STK3: variants seen among roughly 807,000 people sequenced by gnomAD.
The protein encoded by STK3 is serine/threonine kinase 3.
STK3 carries 41 observed loss-of-function variants against 58.0 expected under a neutral mutation model. The observed-to-expected ratio is 0.71, with a 90% CI of 0.55 to 0.92. The LOEUF is 0.92. STK3 is among the 40% of genes least tolerant of loss of function. The probability of loss-of-function intolerance (pLI) is 0.00; values close to 1 mark genes in which losing one functional copy is unlikely to be tolerated. For synonymous variants in STK3, 170 were observed against 191.0 expected (o/e 0.89, Z 0.91); for missense variants, 479 against 602.7 (o/e 0.79, Z 2.15).
intron 6 of STK3, among the ~76,000 whole-genome samples, chr8:98,619,574 A>AG (rs1818075670): frequency 8.3e-6 from 1 of 120,304 alleles, no homozygotes; most frequent in South Asian, 3.4e-4. Context: ...CATCTGACAA[A>AG]GGGCTAATAT....
intron 3 of STK3, among the ~76,000 whole-genome samples, chr8:98,418,929 T>C (rs542361860): frequency 6.6e-6 from 1 of 152,282 alleles, no homozygotes; most frequent in East Asian, 1.9e-4. Context: ...TTTAGAGCAG[T>C]AGCTTCCAAG....
chr8:98,678,271 C>T (rs532515406), intron 6 of STK3, among the ~76,000 whole-genome samples: 2 of 152,138 alleles, frequency 1.3e-5, no homozygotes, highest in African/African-American at 2.4e-5. Context: ...GAGTTCTTAA[C>T]ATTCTATGTG....
At chr8:98,510,536 G>C (rs961238944) in intron 10 of STK3, among the ~76,000 whole-genome samples, 1 of 151,528 alleles carries the variant, frequency 6.6e-6, no homozygotes, top group Admixed American at 6.6e-5. Context: ...TTATGAACTA[G>C]TATCCTTTTC....
intron 6 of STK3, among the ~76,000 whole-genome samples, chr8:98,688,809 C>T (rs898646674): frequency 1.3e-5 from 2 of 152,086 alleles, no homozygotes; most frequent in African/African-American, 4.8e-5. Flanking sequence ...TAAATGCCTA[C>T]ATCAAGAAAA....
chr8:98,887,453 C>T (rs1838033818), intron 1 of STK3, among the ~76,000 whole-genome samples: 1 of 152,130 alleles, frequency 6.6e-6, no homozygotes, highest in African/African-American at 2.4e-5. Flanking sequence ...TAATACTCAA[C>T]CTGTATTTTT....
At chr8:98,738,339 A>G (rs1828803743) in intron 4 of STK3, among the ~76,000 whole-genome samples, 1 of 152,002 alleles carries the variant, frequency 6.6e-6, no homozygotes, top group African/African-American at 2.4e-5. Context: ...TGGGTGTGAT[A>G]GTGGGTGCTT....
intron 1 of STK3, among the ~76,000 whole-genome samples, chr8:98,818,662 G>T (rs1387739183): frequency 6.6e-6 from 1 of 151,702 alleles, no homozygotes. Flanking sequence ...AACTAATTCA[G>T]AACTCAAAAT....
At chr8:98,767,399 T>C (rs969912946) in intron 2 of STK3, 28 bp from the exon 3 acceptor site, 5 of 1,560,560 alleles carry the variant, frequency 3.2e-6, no homozygotes, top group Non-Finnish European at 3.4e-6. Flanking sequence ...ATTATTTTTT[T>C]CCTATCAAAC....
intron 6 of STK3, among the ~76,000 whole-genome samples, chr8:98,615,906 A>C (rs1217971231): frequency 7.0e-5 from 1 of 14,386 alleles, no homozygotes. Context: ...TATCCAGGAG[A>C]ACTTCCCCAA....
At chr8:98,927,000 A>T (rs953986241) in intron 1 of STK3, among the ~76,000 whole-genome samples, 5 of 152,176 alleles carry the variant, frequency 3.3e-5, no homozygotes, top group African/African-American at 1.2e-4. Flanking sequence ...GCCAGGCAAA[A>T]TGAAGTTTAT....
chr8:98,703,962 T>G (rs1825792614), intron 6 of STK3, among the ~76,000 whole-genome samples: 1 of 152,230 alleles, frequency 6.6e-6, no homozygotes, highest in Non-Finnish European at 1.5e-5. Flanking sequence ...ATTAAATTTC[T>G]ACACTTGAAT....
intron 4 of STK3, among the ~76,000 whole-genome samples, chr8:98,734,984 G>T (rs1486392962): frequency 6.6e-6 from 1 of 151,986 alleles, no homozygotes; most frequent in Non-Finnish European, 1.5e-5. Flanking sequence ...TAAAAATCAG[G>T]GAACTAATGA....
intron 1 of STK3, among the ~76,000 whole-genome samples, chr8:98,890,598 C>A (rs1349305377): frequency 1.3e-5 from 2 of 152,196 alleles, no homozygotes; most frequent in African/African-American, 4.8e-5. Context: ...TCACTCCCAC[C>A]AGCCACCAGG....
At chr8:98,516,022 G>A (rs997114524) in intron 10 of STK3, among the ~76,000 whole-genome samples, 1 of 151,922 alleles carries the variant, frequency 6.6e-6, no homozygotes, top group Non-Finnish European at 1.5e-5. Context: ...CAAAACAAAA[G>A]GACAGGACAC....
At chr8:98,434,032 G>A (rs1044238065) in intron 3 of STK3, 1 of 152,192 alleles carries the variant, frequency 6.6e-6, no homozygotes, top group Non-Finnish European at 1.5e-5. Flanking sequence ...TGAAGGCTAG[G>A]AGATCCCCTA....
chr8:98,571,519 T>C (rs370622058), intron 8 of STK3, among the ~76,000 whole-genome samples: 6 of 152,168 alleles, frequency 3.9e-5, no homozygotes, highest in African/African-American at 1.2e-4. Context: ...ATTGCTTTAG[T>C]GAAGCATGTT....
intron 3 of STK3, among the ~76,000 whole-genome samples, chr8:98,401,691 G>A (rs992444264): frequency 6.6e-6 from 1 of 152,138 alleles, no homozygotes; most frequent in Non-Finnish European, 1.5e-5. Context: ...TTATGTTGCC[G>A]ACCACATGGG....
At chr8:98,762,779 C>T (rs921472350) in intron 3 of STK3, among the ~76,000 whole-genome samples, 1 of 152,178 alleles carries the variant, frequency 6.6e-6, no homozygotes, top group African/African-American at 2.4e-5. Context: ...GTACATATTA[C>T]CTGCCACATA....
At chr8:98,475,740 C>A (rs1821257026) in intron 10 of STK3, among the ~76,000 whole-genome samples, 1 of 152,138 alleles carries the variant, frequency 6.6e-6, no homozygotes, top group Non-Finnish European at 1.5e-5. Flanking sequence ...TGTCACCATG[C>A]CCCTATGAGC....
Sources: gnomAD v4.1 joint callset for allele counts (sites outside exome capture counted in the v4.1 genomes callset) on GRCh38, gnomAD v4.1.1 for gene constraint, MANE v1.5 for transcripts, NCBI Gene and HGNC (gene_info 2026-07-23, HGNC 2026-07-21) for gene names.